NIPA1: variants seen among roughly 807,000 people sequenced by gnomAD.
The protein encoded by NIPA1 is NIPA magnesium transporter 1.
In NIPA1, 13 loss-of-function variants were observed where a neutral mutation model predicts 23.9. The ratio of observed to expected loss-of-function variants is 0.54; its 90% CI spans 0.35 to 0.87. The LOEUF is 0.87. Among genes scored for constraint, NIPA1 ranks in the 40% least tolerant of loss-of-function variants. The probability of loss-of-function intolerance (pLI) is 0.01; values close to 1 mark genes in which losing one functional copy is unlikely to be tolerated. For synonymous variants in NIPA1, 234 were observed against 202.9 expected (o/e 1.15, Z -1.30); for missense variants, 362 against 429.7 (o/e 0.84, Z 1.39).
intron 2 of NIPA1, 89 bp from the exon 3 acceptor site, chr15:22,812,074 C>A: frequency 1.0e-6 from 1 of 992,722 alleles, no homozygotes; most frequent in Non-Finnish European, 1.6e-6. Context: ...GTAGCCCTTT[C>A]AGGGCAGAGC....
intron 3 of NIPA1, among the ~76,000 whole-genome samples, chr15:22,818,108 A>G (rs1018954222): frequency 1.6e-4 from 24 of 152,210 alleles, no homozygotes; most frequent in African/African-American, 5.5e-4. Context: ...AAAAAATTTC[A>G]AAGTATATAT....
At position 22,828,236 on chromosome 15, in the gene NIPA1, A is replaced by G. The variant is rs961801716; in HGVS notation, c.*3997A>G. 1 of 152,612 alleles carries G rather than the reference A, an allele frequency of 6.6e-6. No individual in the cohort carries two copies. The highest frequency in any genetic ancestry group is 1.5e-5 in the Non-Finnish European group (1 of 68,032). The allele number at this position is 152,612 out of a possible 1,614,324, so 9.5% of individuals were successfully genotyped here. ...TAACAGTGACCTTCCTCCCAAGGAC[A>G]TATCCGTGTTCATTTTTCATAGGTT... On this transcript the variant is annotated 3_prime_UTR_variant, in exon 5 of 5. Coordinates refer to ENST00000337435, the MANE Select transcript of NIPA1 (RefSeq NM_144599.5).
intron 3 of NIPA1, among the ~76,000 whole-genome samples, chr15:22,819,067 T>G: frequency 6.6e-6 from 1 of 152,144 alleles, no homozygotes. Flanking sequence ...TGTCTTTTGT[T>G]GTTTCTTTCA....
chr15:22,791,632 C>T (rs550612390), intron 1 of NIPA1, among the ~76,000 whole-genome samples: 166 of 151,914 alleles, frequency 1.1e-3, no homozygotes, highest in African/African-American at 3.8e-3. Context: ...TACAGGCGTC[C>T]GCCACCACAC....
chr15:22,826,199 C>A lies in NIPA1; in HGVS notation c.*1960C>A, dbSNP rs1895648633. ...TAGTTTAATATAGAGAGAAAAATAC[C>A]TTTATGGAGTAAACGTGTACATGAT... On this transcript the variant is annotated 3_prime_UTR_variant, in exon 5 of 5. Coordinates refer to ENST00000337435, the MANE Select transcript of NIPA1 (RefSeq NM_144599.5). 6.6e-6 allele frequency: 1 copy of A among 152,072 alleles called. No individual in the cohort carries two copies. The highest frequency in any genetic ancestry group is 2.4e-5 in the African/African-American group (1 of 41,380). 9.4% of individuals were successfully genotyped at this position (152,072 alleles called of 1,614,324 possible).
chr15:22,803,798 C>G (rs12904026), intron 1 of NIPA1, among the ~76,000 whole-genome samples: 49,739 of 147,960 alleles, frequency 0.34, 13,916 homozygotes, highest in African/African-American at 0.76. Flanking sequence ...TCCTGCCTCA[C>G]GCTCCCGAGT....
At chr15:22,789,767 A>G (rs1894790947) in intron 1 of NIPA1, among the ~76,000 whole-genome samples, 2 of 152,120 alleles carry the variant, frequency 1.3e-5, no homozygotes, top group South Asian at 4.1e-4. Context: ...ACAAAGCAGA[A>G]GGAGACCTAG....
At chr15:22,807,170 C>T (rs1284573563) in intron 1 of NIPA1, among the ~76,000 whole-genome samples, 2 of 152,168 alleles carry the variant, frequency 1.3e-5, no homozygotes, top group Non-Finnish European at 2.9e-5. Context: ...TTCACTTTGC[C>T]ATTCCTGTGT....
intron 3 of NIPA1, chr15:22,813,734 A>G: frequency 2.2e-6 from 1 of 452,672 alleles, no homozygotes; most frequent in South Asian, 1.6e-5. Context: ...CCTAAATACC[A>G]TGTTTTTCAC....
intron 4 of NIPA1, among the ~76,000 whole-genome samples, chr15:22,822,127 A>G: frequency 6.6e-6 from 1 of 152,312 alleles, no homozygotes; most frequent in East Asian, 1.9e-4. Flanking sequence ...TGATCCTCAG[A>G]TGGAGCATAA....
At chr15:22,793,175 C>A (rs750258094) in intron 1 of NIPA1, among the ~76,000 whole-genome samples, 8 of 151,324 alleles carry the variant, frequency 5.3e-5, no homozygotes, top group Non-Finnish European at 8.8e-5. Flanking sequence ...CATGATGAAA[C>A]CCCATCTCTA....
In NIPA1 at chr15:22,810,769, A is replaced by T. The variant is rs769909254; in HGVS notation, c.199A>T (p.Ile67Phe). ...TATAGGTACTTCCTATTTAACAGAC[A>T]TTGTGTGGTGGGCTGGCACAATCGC... ...KRRGTSYLTDIVWWAGTIAMA... is the reference protein window; with the variant it reads ...KRRGTSYLTDFVWWAGTIAMA... The change falls in exon 2 of 5, where the codon ATT becomes TTT. Residue 67 changes from isoleucine (I) to phenylalanine (F), a missense_variant. Ile to Phe is a conservative substitution (Grantham distance 21). Coordinates refer to ENST00000337435, the MANE Select transcript of NIPA1 (RefSeq NM_144599.5). 6.2e-7 allele frequency: 1 copy of T among 1,610,860 alleles called. No individual in the cohort carries two copies. The highest frequency in any genetic ancestry group is 8.5e-7 in the Non-Finnish European group (1 of 1,177,030).
At chr15:22,813,570 T>C in intron 3 of NIPA1, 1 of 449,940 alleles carries the variant, frequency 2.2e-6, no homozygotes, top group Non-Finnish European at 4.5e-6. Context: ...AAAAATAGGG[T>C]AGAAGAGAAA....
rs1895646807 is a variant in NIPA1 at position 22,826,139 on chromosome 15, A to C, written c.*1900A>C. ...CTAAAGTCTCAAGGAATAGCTTCCT[A>C]AAGTGTTGAGTAAAGAGGCTAAATA... On this transcript the variant is annotated 3_prime_UTR_variant, in exon 5 of 5. Coordinates refer to ENST00000337435, the MANE Select transcript of NIPA1 (RefSeq NM_144599.5). 1 of 152,138 alleles carries C rather than the reference A, an allele frequency of 6.6e-6. No individual in the cohort carries two copies. 9.4% of individuals were successfully genotyped at this position (152,138 alleles called of 1,614,324 possible).
chr15:22,786,760 C>T lies in NIPA1; in HGVS notation c.104C>T (p.Ala35Val). 1 of 1,315,410 alleles carries T rather than the reference C, an allele frequency of 7.6e-7. No individual in the cohort carries two copies. Among genetic ancestry groups the T allele is most frequent in the Admixed American group, 2.3e-5 (1 of 44,128 alleles). 81.5% of individuals were successfully genotyped at this position (1,315,410 alleles called of 1,614,324 possible). ...PAAVSLGLGV[A>V]VVSSLVNGST... ...GCCGTGTCGCTCGGCCTGGGCGTGG[C>T]CGTCGTGTCGAGCCTGGTGAACGGG... The change falls in exon 1 of 5, where the codon GCC becomes GTC. Residue 35 changes from alanine to valine, a missense_variant. By Grantham distance (64) the Ala-to-Val change is moderately conservative. Transcript: ENST00000337435.
At position 22,824,651 on chromosome 15, in the gene NIPA1, G is replaced by T; in HGVS notation, c.*412G>T. The T allele has an allele frequency of 3.8e-6, 1 of 260,340 alleles. No homozygotes were observed. Among genetic ancestry groups the T allele is most frequent in the Non-Finnish European group, 7.4e-6 (1 of 134,412 alleles). 16.1% of individuals were successfully genotyped at this position (260,340 alleles called of 1,614,324 possible). A position where few individuals can be genotyped will look rare whatever the true frequency, so the allele number is the denominator to read the frequency against. On this transcript the variant is annotated 3_prime_UTR_variant, in exon 5 of 5. Coordinates refer to ENST00000337435, the MANE Select transcript of NIPA1 (RefSeq NM_144599.5). This position sits in a 1 kb window ranked among gnomAD's most constrained non-coding sequence, Gnocchi z 4.1. ...ATGAGAGATTGTTGTCTTGAACTCT[G>T]GCACTGTACAGTGAATGTGTCTGTA...
rs1177612250 is a variant in NIPA1 at position 22,825,484 on chromosome 15, T to G, written c.*1245T>G. ...ATTTAAGTAGCATGAGGTATTATTT[T>G]ATTTGTATTCGATCTGTGTTACCTG... On this transcript the variant is annotated 3_prime_UTR_variant, in exon 5 of 5. Transcript: ENST00000337435. The G allele has an allele frequency of 6.6e-6, 1 of 152,224 alleles. No individual in the cohort carries two copies. The highest frequency in any genetic ancestry group is 1.9e-4 in the East Asian group (1 of 5,198). 9.4% of individuals were successfully genotyped at this position (152,224 alleles called of 1,614,324 possible). A position where few individuals can be genotyped will look rare whatever the true frequency, so the allele number is the denominator to read the frequency against.
intron 1 of NIPA1, among the ~76,000 whole-genome samples, chr15:22,788,988 A>AT (rs1894772902): frequency 7.2e-6 from 1 of 138,910 alleles, no homozygotes; most frequent in Non-Finnish European, 1.6e-5. Flanking sequence ...TCATTTATTT[A>AT]TTTTTTATTA....
Position 22,829,627 on chromosome 15 carries a change from T to C in NIPA1, c.*5388T>C, listed in dbSNP as rs946333878. On this transcript the variant is annotated 3_prime_UTR_variant, in exon 5 of 5. Transcript: ENST00000337435. The stretch of plus-strand genomic sequence containing the variant: ...TTGGGGAGCTTCCAATTAGCATACA[T>C]AGACACATGTGTCAGTGGCCAAGAC... The C allele has an allele frequency of 1.3e-5, 2 of 152,214 alleles. No individual in the cohort carries two copies. The highest frequency in any genetic ancestry group is 2.9e-5 in the Non-Finnish European group (2 of 68,036). The allele number at this position is 152,214 out of a possible 1,614,324, so 9.4% of individuals were successfully genotyped here.
Sources: allele counts gnomAD v4.1 joint callset (sites outside exome capture counted in the v4.1 genomes callset), GRCh38; gene constraint gnomAD v4.1.1; non-coding constraint Gnocchi (gnomAD v3.1); transcripts MANE v1.5; gene names NCBI Gene and HGNC (gene_info 2026-07-23, HGNC 2026-07-21).